Variants in CNTN5 observed in about 807,000 individuals in gnomAD.
CNTN5 encodes contactin-5.
Under a neutral mutation model 129.1 loss-of-function variants are expected in CNTN5, and 77 were observed. The observed-to-expected ratio is 0.60, with a 90% CI of 0.50 to 0.72. CNTN5 has a LOEUF of 0.72. CNTN5 is among the 30% of genes least tolerant of loss of function. The pLI is 0.00. For missense variants in CNTN5, 1,478 were observed against 1,328.8 expected, an observed-to-expected ratio of 1.11 and a Z score of -1.75; for synonymous variants, 509 against 465.6, an observed-to-expected ratio of 1.09 and a Z score of -1.20.
chr11:99,380,621 T>C (rs1032281024), intron 2 of CNTN5, among the ~76,000 whole-genome samples: 2 of 151,732 alleles, frequency 1.3e-5, no homozygotes, highest in African/African-American at 4.8e-5. Flanking sequence ...AATAAAAAAT[T>C]AGCTGGGCGT....
intron 7 of CNTN5, among the ~76,000 whole-genome samples, chr11:99,952,562 A>C (rs1286156489): frequency 6.6e-6 from 1 of 152,110 alleles, no homozygotes; most frequent in East Asian, 1.9e-4. Flanking sequence ...TTTGGGGTCT[A>C]ACTCTATCAT....
chr11:99,409,952 G>T (rs1044320093), intron 2 of CNTN5, among the ~76,000 whole-genome samples: 4 of 152,146 alleles, frequency 2.6e-5, no homozygotes, highest in African/African-American at 9.7e-5. Flanking sequence ...TCTGTGCTAG[G>T]CACTTACACT....
chr11:100,061,686 T>TG (rs1313680481), intron 10 of CNTN5, among the ~76,000 whole-genome samples: 1 of 152,166 alleles, frequency 6.6e-6, no homozygotes, highest in Non-Finnish European at 1.5e-5. Context: ...TTAAAAATCT[T>TG]GGAAAACTTA....
chr11:100,246,040 T>C (rs1286563861), intron 16 of CNTN5, among the ~76,000 whole-genome samples: 3 of 152,150 alleles, frequency 2.0e-5, no homozygotes, highest in African/African-American at 7.2e-5. Context: ...ATTCCAATGA[T>C]AGTACATTTT....
intron 1 of CNTN5, among the ~76,000 whole-genome samples, chr11:99,240,074 G>A (rs1216793061): frequency 6.6e-6 from 1 of 152,006 alleles, no homozygotes; most frequent in Non-Finnish European, 1.5e-5. Context: ...TTCATTTTAG[G>A]CCACAAATTA....
chr11:99,822,909 G>C (rs950399352), intron 4 of CNTN5, among the ~76,000 whole-genome samples: 3 of 152,022 alleles, frequency 2.0e-5, no homozygotes, highest in Non-Finnish European at 4.4e-5. Flanking sequence ...TGTCTTTTTT[G>C]CTTTCTGGCT....
chr11:99,034,593 T>C (rs2135107895), intron 1 of CNTN5, among the ~76,000 whole-genome samples: 1 of 151,740 alleles, frequency 6.6e-6, no homozygotes, highest in East Asian at 1.9e-4. Context: ...GTAGTTTGTA[T>C]TTCTGTGGGA....
intron 3 of CNTN5, among the ~76,000 whole-genome samples, chr11:99,650,503 A>C (rs1246031503): frequency 6.6e-6 from 1 of 151,940 alleles, no homozygotes; most frequent in Non-Finnish European, 1.5e-5. Flanking sequence ...CACCATAAGA[A>C]CATTACTGAT....
intron 1 of CNTN5, among the ~76,000 whole-genome samples, chr11:99,315,093 T>C (rs993478138): frequency 2.0e-5 from 3 of 149,084 alleles, no homozygotes; most frequent in African/African-American, 4.9e-5. Flanking sequence ...AGAGAAGACA[T>C]TGATATTTAT....
At chr11:99,882,888 G>A (rs1286979569) in intron 6 of CNTN5, among the ~76,000 whole-genome samples, 2 of 151,830 alleles carry the variant, frequency 1.3e-5, no homozygotes. Context: ...CCAGCATCTG[G>A]TAACCATCTT....
At chr11:99,739,627 A>G (rs1278888885) in intron 3 of CNTN5, among the ~76,000 whole-genome samples, 1 of 152,108 alleles carries the variant, frequency 6.6e-6, no homozygotes, top group Non-Finnish European at 1.5e-5. Flanking sequence ...TGGAGATGGG[A>G]GAAAAAACTA....
intron 21 of CNTN5, among the ~76,000 whole-genome samples, chr11:100,320,876 G>C (rs1174502029): frequency 6.6e-6 from 1 of 152,040 alleles, no homozygotes; most frequent in African/African-American, 2.4e-5. Context: ...TAAATATGTG[G>C]ATTAATTTCC....
intron 7 of CNTN5, among the ~76,000 whole-genome samples, chr11:99,943,719 A>T (rs1591458430): frequency 6.6e-6 from 1 of 152,254 alleles, no homozygotes; most frequent in East Asian, 1.9e-4. Flanking sequence ...TACAAGGTGT[A>T]AGGAAGGGGT....
chr11:99,489,488 C>A (rs983086110), intron 2 of CNTN5, among the ~76,000 whole-genome samples: 1 of 152,190 alleles, frequency 6.6e-6, no homozygotes. Context: ...ATTTTAACTT[C>A]TCATTCTCTC....
At chr11:99,665,255 C>T (rs889752700) in intron 3 of CNTN5, among the ~76,000 whole-genome samples, 6 of 152,046 alleles carry the variant, frequency 3.9e-5, no homozygotes, top group Admixed American at 2.0e-4. Flanking sequence ...AAATTCAAAA[C>T]TGAACAATTT....
intron 2 of CNTN5, among the ~76,000 whole-genome samples, chr11:99,448,754 T>TATTTTATTTC (rs1944177022): frequency 6.8e-6 from 1 of 146,008 alleles, no homozygotes; most frequent in Non-Finnish European, 1.5e-5. Context: ...TATTTTATTT[T>TATTTTATTTC]ATTTTATTTT....
chr11:99,693,234 A>G (rs1407665952), intron 3 of CNTN5, among the ~76,000 whole-genome samples: 8 of 152,182 alleles, frequency 5.3e-5, no homozygotes, highest in African/African-American at 1.4e-4. Flanking sequence ...ATACAAATAT[A>G]TTTAAGGCTC....
intron 6 of CNTN5, among the ~76,000 whole-genome samples, chr11:99,889,861 C>G (rs1257488047): frequency 6.6e-6 from 1 of 152,100 alleles, no homozygotes; most frequent in Admixed American, 6.6e-5. Flanking sequence ...CATTCTTATA[C>G]TTCCAAAATA....
At chr11:99,384,275 T>G (rs541492185) in intron 2 of CNTN5, among the ~76,000 whole-genome samples, 1 of 152,334 alleles carries the variant, frequency 6.6e-6, no homozygotes, top group African/African-American at 2.4e-5. Flanking sequence ...ACAACTCCTG[T>G]AAATAATGCA....
Sources: allele counts gnomAD v4.1 joint callset (sites outside exome capture counted in the v4.1 genomes callset), GRCh38; gene constraint gnomAD v4.1.1; transcripts MANE v1.5; gene names NCBI Gene and HGNC (gene_info 2026-07-23, HGNC 2026-07-21).